Variants in VPS41 observed in about 807,000 individuals in gnomAD.
The protein encoded by VPS41 is VPS41 subunit of HOPS complex, also known as vacuolar protein sorting-associated protein 41 homolog.
In VPS41, 85 loss-of-function variants were observed where a neutral mutation model predicts 130.9. That is an observed-to-expected ratio of 0.65 (90% CI 0.55 to 0.78). The LOEUF (loss-of-function observed/expected upper bound fraction) is 0.78, where lower values mean the gene tolerates loss of function less well. Ranked by LOEUF, VPS41 falls within the 30% of genes least tolerant of loss-of-function variation. The pLI, the probability that VPS41 is intolerant of heterozygous loss-of-function variation, is 0.00. For missense variants in VPS41, 874 were observed against 1,018.7 expected, an observed-to-expected ratio of 0.86 and a Z score of 1.93; for synonymous variants, 335 against 332.9, an observed-to-expected ratio of 1.01 and a Z score of -0.07.
rs1428985433 is a variant in VPS41 at position 38,742,044 on chromosome 7, T to G, written c.2200A>C (p.Met734Leu). ...GAATCTCTCAAATTGGGGATCTCCA[T>G]TCCTTCCTTAATACGGTGAATCAGT... is the stretch of plus-strand genomic sequence containing the variant. ...ILLIHRIKEGMEIPNLRDSLV... is the reference protein window; with the variant it reads ...ILLIHRIKEGLEIPNLRDSLV... Residue 734 changes from methionine (M) to leucine (L), a missense_variant, in exon 25 of 29, where the codon ATG becomes CTG. Physicochemically the swap from Met to Leu is conservative, Grantham distance 15. Coordinates refer to ENST00000310301, the MANE Select transcript of VPS41 (RefSeq NM_014396.4). The G allele has an allele frequency of 6.2e-7, 1 of 1,613,430 alleles. No individual in the cohort carries two copies. Among genetic ancestry groups the G allele is most frequent in the Admixed American group, 1.7e-5 (1 of 59,942 alleles).
intron 2 of VPS41, among the ~76,000 whole-genome samples, chr7:38,894,104 G>A (rs570394813): frequency 6.6e-6 from 1 of 152,250 alleles, no homozygotes; most frequent in South Asian, 2.1e-4. Context: ...GGAAAAGGTA[G>A]AAATATATAA....
intron 10 of VPS41, among the ~76,000 whole-genome samples, chr7:38,779,704 G>A (rs951632548): frequency 5.9e-5 from 9 of 152,146 alleles, no homozygotes; most frequent in African/African-American, 2.2e-4. Context: ...TAGCGATGCT[G>A]AGTCCCAGAA....
At chr7:38,731,467 C>T (rs1795661203) in intron 25 of VPS41, among the ~76,000 whole-genome samples, 1 of 152,102 alleles carries the variant, frequency 6.6e-6, no homozygotes, top group South Asian at 2.1e-4. Flanking sequence ...ACACTGATGG[C>T]CAAAAGTCAG....
At chr7:38,780,901 G>A (rs6462863) in intron 10 of VPS41, among the ~76,000 whole-genome samples, 43,458 of 152,010 alleles carry the variant, frequency 0.29, 7,023 homozygotes, top group Non-Finnish European at 0.38. Context: ...AAGATCTGGT[G>A]GTTTAGAAGT....
chr7:38,767,991 ACTT>A (rs1244371152), intron 14 of VPS41, among the ~76,000 whole-genome samples: 3 of 152,172 alleles, frequency 2.0e-5, no homozygotes, highest in Admixed American at 1.3e-4. Flanking sequence ...CAAGCTACCT[ACTT>A]CTTCTACCCC....
At chr7:38,781,374 C>T (rs1784351680) in intron 10 of VPS41, among the ~76,000 whole-genome samples, 1 of 152,098 alleles carries the variant, frequency 6.6e-6, no homozygotes, top group Admixed American at 6.5e-5. Flanking sequence ...GGTCTAGATG[C>T]CCAAGTTTTT....
chr7:38,791,229 C>T (rs955070540), intron 9 of VPS41, among the ~76,000 whole-genome samples: 6 of 152,178 alleles, frequency 3.9e-5, no homozygotes, highest in African/African-American at 1.2e-4. Flanking sequence ...ATAAGTTATC[C>T]ACTCTTCTTC....
At chr7:38,823,058 C>T (rs1271576661) in intron 5 of VPS41, among the ~76,000 whole-genome samples, 1 of 152,114 alleles carries the variant, frequency 6.6e-6, no homozygotes, top group African/African-American at 2.4e-5. Context: ...TTGCTATGGT[C>T]TGAATGTATG....
Position 38,726,897 on chromosome 7 carries a change from C to G in VPS41, c.2484+12G>C. 6.5e-7 allele frequency: 1 copy of G among 1,534,590 alleles called. No individual in the cohort carries two copies. The highest frequency in any genetic ancestry group is 8.8e-7 in the Non-Finnish European group (1 of 1,141,922). ...TTCCCTCTAGTTGATAGGTGCCAAGCTGCCAACTCACCATGCTGGGCATGG... is the reference window on the plus strand; with the variant it reads ...TTCCCTCTAGTTGATAGGTGCCAAGGTGCCAACTCACCATGCTGGGCATGG... On this transcript the variant is annotated intron_variant, in intron 28 of 28. Coordinates refer to ENST00000310301, the MANE Select transcript of VPS41 (RefSeq NM_014396.4).
intron 5 of VPS41, among the ~76,000 whole-genome samples, chr7:38,823,715 C>G (rs1158427513): frequency 6.6e-6 from 1 of 151,980 alleles, no homozygotes; most frequent in African/African-American, 2.4e-5. Context: ...TATACTTGTG[C>G]CAAGTTTGTT....
chr7:38,862,978 T>C (rs1786152653), intron 3 of VPS41, among the ~76,000 whole-genome samples: 1 of 152,216 alleles, frequency 6.6e-6, no homozygotes, highest in African/African-American at 2.4e-5. Flanking sequence ...GAGAAAAGAA[T>C]GATTCAGAAA....
intron 7 of VPS41, among the ~76,000 whole-genome samples, chr7:38,808,533 G>A (rs1301641244): frequency 8.5e-5 from 13 of 152,262 alleles, no homozygotes; most frequent in Non-Finnish European, 2.9e-5. Flanking sequence ...ATGCCTCAAC[G>A]TGCAACCGTT....
intron 4 of VPS41, among the ~76,000 whole-genome samples, chr7:38,848,734 C>G (rs1349624342): frequency 2.0e-5 from 3 of 152,184 alleles, no homozygotes; most frequent in Admixed American, 1.3e-4. Flanking sequence ...TGGCTGGCGT[C>G]TGACCCCAAG....
intron 22 of VPS41, among the ~76,000 whole-genome samples, chr7:38,748,626 A>G (rs1562570425): frequency 6.6e-6 from 1 of 151,548 alleles, no homozygotes; most frequent in Non-Finnish European, 1.5e-5. Flanking sequence ...TAACCACTCT[A>G]GGCACAAGCA....
At chr7:38,851,694 A>G (rs1243354959) in intron 4 of VPS41, among the ~76,000 whole-genome samples, 2 of 152,218 alleles carry the variant, frequency 1.3e-5, no homozygotes, top group Non-Finnish European at 2.9e-5. Context: ...GGTGGAATGT[A>G]TGATAGGTGT....
chr7:38,901,137 G>A (rs1298967448), intron 1 of VPS41, among the ~76,000 whole-genome samples: 2 of 152,076 alleles, frequency 1.3e-5, no homozygotes, highest in Non-Finnish European at 2.9e-5. Context: ...GACACAAAAG[G>A]ACAAATATTG....
At chr7:38,811,640 G>C (rs932483935) in intron 7 of VPS41, among the ~76,000 whole-genome samples, 2 of 135,660 alleles carry the variant, frequency 1.5e-5, no homozygotes, top group Non-Finnish European at 3.1e-5. Flanking sequence ...TATACAGATA[G>C]ATAGATATAT....
chr7:38,784,928 T>C (rs921978366), intron 10 of VPS41, among the ~76,000 whole-genome samples: 3 of 152,228 alleles, frequency 2.0e-5, no homozygotes, highest in Non-Finnish European at 4.4e-5. Flanking sequence ...GATTTCTTTA[T>C]TGAAGTTAAA....
At chr7:38,837,662 G>T (rs1000824981) in intron 4 of VPS41, among the ~76,000 whole-genome samples, 3 of 152,202 alleles carry the variant, frequency 2.0e-5, no homozygotes, top group Non-Finnish European at 2.9e-5. Context: ...GTCTTGGGTA[G>T]ATTTGGCTGT....
Sources: allele counts gnomAD v4.1 joint callset (sites outside exome capture counted in the v4.1 genomes callset), GRCh38; gene constraint gnomAD v4.1.1; transcripts MANE v1.5; gene names NCBI Gene and HGNC (gene_info 2026-07-23, HGNC 2026-07-21).